Variants in TRIM51 observed in about 807,000 individuals in gnomAD.
The protein encoded by TRIM51 is tripartite motif-containing 51.
In TRIM51, 23 loss-of-function variants were observed where a neutral mutation model predicts 32.7. That is an observed-to-expected ratio of 0.70 (90% CI 0.51 to 1.00). TRIM51 has a LOEUF of 1.00. Ranked by LOEUF, TRIM51 falls within the 50% of genes least tolerant of loss-of-function variation. The pLI is 0.00. For synonymous variants in TRIM51, 177 were observed against 181.9 expected (o/e 0.97, Z 0.22); for missense variants, 592 against 539.2 (o/e 1.10, Z -0.97).
chr11:55,890,648 G>T (rs1229291799), intron 6 of TRIM51, among the ~76,000 whole-genome samples: 8 of 152,088 alleles, frequency 5.3e-5, no homozygotes, highest in Non-Finnish European at 1.2e-4. Flanking sequence ...CAAAGTGACT[G>T]GTAAAAGATT....
chr11:55,890,964 G>A (rs1209772270), intron 6 of TRIM51, among the ~76,000 whole-genome samples, 169 bp from the exon 7 acceptor site: 1 of 152,034 alleles, frequency 6.6e-6, no homozygotes, highest in Non-Finnish European at 1.5e-5. Flanking sequence ...TTCCTATAGA[G>A]AATATTAATC....
Position 55,891,740 on chromosome 11 carries a change from CTT to C in TRIM51, c.*110_*111del, listed in dbSNP as rs1453594785. On this transcript the variant is annotated 3_prime_UTR_variant, in exon 7 of 7. Coordinates refer to ENST00000449290, the MANE Select transcript of TRIM51 (RefSeq NM_032681.4). Reference sequence around the variant, plus strand: ...AGAACAAATAAGTTATATTTAATGTCTTTAGTTGCATTCTAATGTCATCAAAA... The same window carrying C: ...AGAACAAATAAGTTATATTTAATGTCTAGTTGCATTCTAATGTCATCAAAA... The C allele has an allele frequency of 6.3e-6, 8 of 1,264,334 alleles. No homozygotes were observed. The highest frequency in any genetic ancestry group is 2.8e-4 in the Middle Eastern group (1 of 3,558). 78.3% of individuals were successfully genotyped at this position (1,264,334 alleles called of 1,614,324 possible).
chr11:55,891,464 T>A lies in TRIM51; in HGVS notation c.1191T>A (p.Leu397=). ...GCAGTCTCTTTACCACCTCCCCACTTGTGGTGCAATATGTTCCAAGACCTA... is the reference window on the plus strand; with the variant it reads ...GCAGTCTCTTTACCACCTCCCCACTAGTGGTGCAATATGTTCCAAGACCTA... The part of the protein sequence containing the change: ...THCSLFTTSP[L]VVQYVPRPTS... The change falls in exon 7 of 7, where the codon CTT becomes CTA. Residue 397 remains leucine, a synonymous_variant. Coordinates refer to ENST00000449290, the MANE Select transcript of TRIM51 (RefSeq NM_032681.4). 6.2e-7 allele frequency: 1 copy of A among 1,613,308 alleles called. No individual in the cohort carries two copies. The highest frequency in any genetic ancestry group is 8.5e-7 in the Non-Finnish European group (1 of 1,179,744).
intron 3 of TRIM51, among the ~76,000 whole-genome samples, chr11:55,887,392 C>A (rs1854590567): frequency 6.7e-6 from 1 of 149,870 alleles, no homozygotes; most frequent in African/African-American, 2.5e-5. Flanking sequence ...TCCATATATA[C>A]CTATATTTGA....
At position 55,886,233 on chromosome 11, in the gene TRIM51, A is replaced by C; in HGVS notation, c.507+15A>C. 1 of 1,595,386 alleles carries C rather than the reference A, an allele frequency of 6.3e-7. No individual in the cohort carries two copies. ...GATGCTGGAAGGTTAGTACCGTATG[A>C]CTCTACCTTCTCCGGGAACTTATAG... On this transcript the variant is annotated intron_variant, in intron 3 of 6. Coordinates refer to ENST00000449290, the MANE Select transcript of TRIM51 (RefSeq NM_032681.4).
chr11:55,887,815 A>G (rs1854596124), intron 3 of TRIM51, among the ~76,000 whole-genome samples: 1 of 152,190 alleles, frequency 6.6e-6, no homozygotes, highest in Non-Finnish European at 1.5e-5. Flanking sequence ...ACTATCTTAG[A>G]AAACATTTTA....
chr11:55,891,628 T>G lies in TRIM51; in HGVS notation c.1355T>G (p.Phe452Cys). ...PLRPIFCCSH[F>C] ...AGGCCTATCTTTTGCTGTAGTCACT[T>G]CTGACCAGAGAAAAGTCAGAAATGT... The change falls in exon 7 of 7, where the codon TTC (phenylalanine) becomes TGC (cysteine). Residue 452 changes from phenylalanine to cysteine, a missense_variant. Transcript: ENST00000449290. 6.2e-7 allele frequency: 1 copy of G among 1,613,060 alleles called. No individual in the cohort carries two copies. Among genetic ancestry groups the G allele is most frequent in the Non-Finnish European group, 8.5e-7 (1 of 1,179,546 alleles).
At chr11:55,883,999 T>G (rs1260430081) in intron 1 of TRIM51, among the ~76,000 whole-genome samples, 2 of 151,642 alleles carry the variant, frequency 1.3e-5, no homozygotes, top group Non-Finnish European at 2.9e-5. Flanking sequence ...GAAAAATATT[T>G]GCAATTCTTA....
rs769393258 is a variant in TRIM51 at position 55,885,827 on chromosome 11, T to A, written c.399T>A (p.Ala133=). Residue 133 remains alanine (A), a synonymous_variant, in exon 2 of 7, where the codon GCT becomes GCA. Coordinates refer to ENST00000449290, the MANE Select transcript of TRIM51 (RefSeq NM_032681.4). The stretch of plus-strand genomic sequence containing the variant: ...TACACTGTCCCATTGAGTGGGCTGC[T>A]GAGGAACGCCGGGTAAGTGATGCCT... ...NHIHCPIEWA[A]EERREELLKK... 1.9e-6 allele frequency: 3 copies of A among 1,611,640 alleles called. No homozygotes were observed. The highest frequency in any genetic ancestry group is 2.7e-5 in the African/African-American group (2 of 74,826).
At position 55,891,740 on chromosome 11, in the gene TRIM51, C is replaced by T; in HGVS notation, c.*108C>T. The T allele has an allele frequency of 7.9e-7, 1 of 1,264,450 alleles. No individual in the cohort carries two copies. Among genetic ancestry groups the T allele is most frequent in the Non-Finnish European group, 1.1e-6 (1 of 908,688 alleles). The allele number at this position is 1,264,450 out of a possible 1,614,324, so 78.3% of individuals were successfully genotyped here. A position where few individuals can be genotyped will look rare whatever the true frequency, so the allele number is the denominator to read the frequency against. ...AGAACAAATAAGTTATATTTAATGTCTTTAGTTGCATTCTAATGTCATCAA... is the reference window on the plus strand; with the variant it reads ...AGAACAAATAAGTTATATTTAATGTTTTTAGTTGCATTCTAATGTCATCAA... On this transcript the variant is annotated 3_prime_UTR_variant, in exon 7 of 7. Coordinates refer to ENST00000449290, the MANE Select transcript of TRIM51 (RefSeq NM_032681.4).
In TRIM51 at chr11:55,891,334, C is replaced by T. The variant is rs1854646632; in HGVS notation, c.1061C>T (p.Ala354Val). ...EVHMGDSWNW[A>V]FGVCNNYWKE... The stretch of plus-strand genomic sequence containing the variant: ...CATATGGGGGACTCTTGGAATTGGG[C>T]TTTTGGTGTCTGTAACAATTATTGG... Residue 354 changes from alanine (A) to valine (V), a missense_variant, in exon 7 of 7, where the codon GCT (alanine) becomes GTT (valine). Coordinates refer to ENST00000449290, the MANE Select transcript of TRIM51 (RefSeq NM_032681.4). The T allele has an allele frequency of 6.2e-7, 1 of 1,611,744 alleles. No homozygotes were observed.
At position 55,891,264 on chromosome 11, in the gene TRIM51, TG is replaced by T. The variant is rs766072706; in HGVS notation, c.997del (p.Ala333LeufsTer39). On this transcript the variant is annotated frameshift_variant, in exon 7 of 7. Coordinates refer to ENST00000449290, the MANE Select transcript of TRIM51 (RefSeq NM_032681.4). LOFTEE classifies it low-confidence loss of function (END_TRUNC). Reference sequence around the variant, plus strand: ...TGGAAAATCTGAATGTTTTCTTGTATGGGGGGCTCAGGCTTTCACATCTGGC... The same window carrying T: ...TGGAAAATCTGAATGTTTTCTTGTATGGGGGCTCAGGCTTTCACATCTGGC... Reference protein sequence around the residue: ...ITGKSECFLVWGAQAFTSGKY... With the variant: ...ITGKSECFLVXGAQAFTSGKY... 5 of 1,609,206 alleles carry T rather than the reference TG, an allele frequency of 3.1e-6. No homozygotes were observed. The highest frequency in any genetic ancestry group is 2.5e-6 in the Non-Finnish European group (3 of 1,179,702).
chr11:55,886,366 T>A (rs1565138691), intron 3 of TRIM51, 148 bp downstream of exon 3: 2 of 657,974 alleles, frequency 3.0e-6, no homozygotes, highest in African/African-American at 3.7e-5. Context: ...CCTAATTTTT[T>A]ATATAAGTTA....
chr11:55,887,802 A>G (rs536749412), intron 3 of TRIM51, among the ~76,000 whole-genome samples: 2 of 152,274 alleles, frequency 1.3e-5, no homozygotes, highest in South Asian at 2.1e-4. Flanking sequence ...CCATTTTTAT[A>G]TAACTATCTT....
chr11:55,891,493 G>T lies in TRIM51; in HGVS notation c.1220G>T (p.Ser407Ile). Reference sequence around the variant, plus strand: ...GTGCAATATGTTCCAAGACCTACCAGCACAGTAGGATTATTCCTGGATTGT... The same window carrying T: ...GTGCAATATGTTCCAAGACCTACCATCACAGTAGGATTATTCCTGGATTGT... ...LVVQYVPRPT[S>I]TVGLFLDCEG... Residue 407 changes from serine (S) to isoleucine (I), a missense_variant, in exon 7 of 7, where the codon AGC becomes ATC. Transcript: ENST00000449290. 2 of 1,613,458 alleles carry T rather than the reference G, an allele frequency of 1.2e-6. No individual in the cohort carries two copies. The highest frequency in any genetic ancestry group is 1.1e-5 in the South Asian group (1 of 91,074).
intron 5 of TRIM51, 101 bp from the exon 6 acceptor site, chr11:55,889,841 G>A (rs1241018522): frequency 2.5e-6 from 2 of 788,136 alleles, no homozygotes; most frequent in Non-Finnish European, 4.3e-6. Context: ...GCAAATGTGT[G>A]GGTTAAAGGG....
rs769173009 is a variant in TRIM51 at position 55,886,227 on chromosome 11, C to A, written c.507+9C>A. 6.2e-7 allele frequency: 1 copy of A among 1,604,858 alleles called. No individual in the cohort carries two copies. ...GAACCAGATGCTGGAAGGTTAGTACCGTATGACTCTACCTTCTCCGGGAAC... is the reference window on the plus strand; with the variant it reads ...GAACCAGATGCTGGAAGGTTAGTACAGTATGACTCTACCTTCTCCGGGAAC... On this transcript the variant is annotated intron_variant, in intron 3 of 6. Transcript: ENST00000449290.
In TRIM51 at chr11:55,888,070, A is replaced by C. The variant is rs758191628; in HGVS notation, c.546A>C (p.Glu182Asp). 1 of 1,613,300 alleles carries C rather than the reference A, an allele frequency of 6.2e-7. No individual in the cohort carries two copies. Among genetic ancestry groups the C allele is most frequent in the South Asian group, 1.1e-5 (1 of 91,064 alleles). The change falls in exon 4 of 7, where the codon GAA becomes GAC. Residue 182 changes from glutamate (E) to aspartate (D), a missense_variant. Glu to Asp is a conservative substitution (Grantham distance 45). Transcript: ENST00000449290. ...TAAGGATAGAAGCAATCAGAGCTGA[A>C]TATCAGAAGATGCCTGCATTTCTCC... ...VSLRIEAIRA[E>D]YQKMPAFLHE...
intron 1 of TRIM51, among the ~76,000 whole-genome samples, chr11:55,883,979 G>C (rs1176148203): frequency 1.3e-5 from 2 of 151,670 alleles, no homozygotes; most frequent in Non-Finnish European, 2.9e-5. Context: ...AAATGGCTCA[G>C]ATGGCCTCTG....
Sources: gnomAD v4.1 joint callset for allele counts (sites outside exome capture counted in the v4.1 genomes callset) on GRCh38, gnomAD v4.1.1 for gene constraint, MANE v1.5 for transcripts, NCBI Gene and HGNC (gene_info 2026-07-23, HGNC 2026-07-21) for gene names.